AGBL1: variants seen among roughly 807,000 people sequenced by gnomAD.
AGBL1 encodes cytosolic carboxypeptidase 4.
AGBL1 carries 130 observed loss-of-function variants against 118.9 expected under a neutral mutation model. The observed-to-expected ratio is 1.09, with a 90% CI of 0.95 to 1.26. AGBL1 has a LOEUF of 1.26. Ranked by LOEUF, AGBL1 falls within the 50% of genes most tolerant of loss-of-function variation. AGBL1 has a pLI of 0.00. For missense variants in AGBL1, 1,584 were observed against 1,298.1 expected (o/e 1.22, Z -3.38); for synonymous variants, 555 against 478.9 (o/e 1.16, Z -2.08).
chr15:87,004,480 A>T (rs567965941), intron 24 of AGBL1, among the ~76,000 whole-genome samples: 1 of 152,224 alleles, frequency 6.6e-6, no homozygotes, highest in African/African-American at 2.4e-5. Flanking sequence ...ATTGGTTTAA[A>T]GTCTGTTTTA....
At position 86,670,650 on chromosome 15, in the gene AGBL1, G is replaced by GTGTGTGTATATA. The variant is rs369000727; in HGVS notation, c.2995-3622_2995-3621insGTGTGTATATAT. On this transcript the variant is annotated intron_variant, in intron 21 of 22. Coordinates refer to ENST00000614907, the MANE Select transcript of AGBL1 (RefSeq NM_001386094.1). ...ACAAACACGCTGTGTGTGTGTGTGT[G>GTGTGTGTATATA]TATATATATATATAGCAAACTTATA... Among the ~76,000 whole-genome samples, 7 of 141,138 alleles carry GTGTGTGTATATA rather than the reference G, an allele frequency of 5.0e-5. No homozygotes were observed. The East Asian group carries it at 1.1e-3, about 23-fold the overall frequency. The allele number at this position is 141,138 out of a possible 152,430, so 92.6% of individuals were successfully genotyped here.
intron 23 of AGBL1, among the ~76,000 whole-genome samples, chr15:86,933,436 G>A (rs981205820): frequency 6.6e-6 from 1 of 152,170 alleles, no homozygotes; most frequent in Non-Finnish European, 1.5e-5. Flanking sequence ...CAGCTCAGGA[G>A]TCATGTAGCC....
At chr15:87,017,788 T>C (rs2081622088) in intron 24 of AGBL1, among the ~76,000 whole-genome samples, 1 of 152,120 alleles carries the variant, frequency 6.6e-6, no homozygotes, top group Non-Finnish European at 1.5e-5. Flanking sequence ...AGAACAGGGC[T>C]GAGGCTGAGA....
intron 18 of AGBL1, among the ~76,000 whole-genome samples, chr15:86,482,915 C>A (rs1026628385): frequency 3.3e-5 from 5 of 151,956 alleles, no homozygotes; most frequent in Non-Finnish European, 7.4e-5. Context: ...AGCTGTATTT[C>A]TCATAAAGAG....
intron 6 of AGBL1, among the ~76,000 whole-genome samples, chr15:86,236,868 C>A (rs2078552604): frequency 6.9e-6 from 1 of 145,888 alleles, no homozygotes; most frequent in Non-Finnish European, 1.5e-5. Flanking sequence ...GACCCTCCCA[C>A]CCTAGCCTTT....
intron 1 of AGBL1, among the ~76,000 whole-genome samples, chr15:86,122,239 C>T (rs1898134338): frequency 6.6e-6 from 1 of 152,106 alleles, no homozygotes; most frequent in Non-Finnish European, 1.5e-5. Context: ...GGTCCTGTTG[C>T]AAACGGAGTA....
chr15:86,152,430 A>G (rs1421891870), intron 3 of AGBL1, among the ~76,000 whole-genome samples: 1 of 152,242 alleles, frequency 6.6e-6, no homozygotes, highest in Non-Finnish European at 1.5e-5. Flanking sequence ...TTCCCTATTT[A>G]ATAAATGTTG....
In AGBL1 at chr15:86,744,588, T is replaced by C. The variant is rs376654505; in HGVS notation, c.3158+70152T>C. On this transcript the variant is annotated intron_variant, in intron 22 of 22. Coordinates refer to ENST00000614907, the MANE Select transcript of AGBL1 (RefSeq NM_001386094.1). Reference sequence around the variant, plus strand: ...AGCAAAGGGCAGAGGCACCTTTCTTTATAGATCAACATTAGACTAAGGCAA... The same window carrying C: ...AGCAAAGGGCAGAGGCACCTTTCTTCATAGATCAACATTAGACTAAGGCAA... Among the ~76,000 whole-genome samples, 6 of 152,224 alleles carry C rather than the reference T, an allele frequency of 3.9e-5. No homozygotes were observed. The South Asian group carries it at 1.2e-3, about 32-fold the overall frequency.
chr15:86,432,794 G>A (rs1241601934), intron 18 of AGBL1, among the ~76,000 whole-genome samples: 1 of 152,190 alleles, frequency 6.6e-6, no homozygotes, highest in African/African-American at 2.4e-5. Context: ...GGGTCCAGTG[G>A]TGTGAAAAAT....
At chr15:86,719,937 G>A (rs907391865) in intron 22 of AGBL1, among the ~76,000 whole-genome samples, 1 of 152,244 alleles carries the variant, frequency 6.6e-6, no homozygotes, top group East Asian at 1.9e-4. Context: ...CTCTGGCCAC[G>A]GATTCTCAAG....
intron 21 of AGBL1, among the ~76,000 whole-genome samples, chr15:86,618,687 T>G (rs28446546): frequency 0.016 from 2,487 of 152,258 alleles, 64 homozygotes; most frequent in African/African-American, 0.057. Flanking sequence ...TGGTAAGACA[T>G]GCAGATTTAT....
At chr15:86,224,612 T>C (rs545670894) in intron 5 of AGBL1, among the ~76,000 whole-genome samples, 2 of 151,914 alleles carry the variant, frequency 1.3e-5, no homozygotes, top group Non-Finnish European at 2.9e-5. Flanking sequence ...GTATGAATAA[T>C]AGAAAAATGA....
intron 22 of AGBL1, among the ~76,000 whole-genome samples, chr15:86,761,816 G>A (rs1373355762): frequency 1.3e-5 from 2 of 151,954 alleles, no homozygotes; most frequent in Non-Finnish European, 2.9e-5. Flanking sequence ...TTTTTTTGCT[G>A]TGCAGAAGCG....
Position 86,615,006 on chromosome 15 carries a change from TGA to T in AGBL1, c.2995-59263_2995-59262del, listed in dbSNP as rs1205360495. 1.3e-4 allele frequency among the ~76,000 whole-genome samples: 20 copies of T among 152,034 alleles called. No homozygotes were observed. The highest frequency in any genetic ancestry group is 1.1e-3 in the Admixed American group (17 of 15,264). On this transcript the variant is annotated intron_variant, in intron 21 of 22. Transcript: ENST00000614907. The surrounding 1 kb of genome is among the most constrained non-coding windows in gnomAD (Gnocchi z 4.3). The stretch of plus-strand genomic sequence containing the variant: ...AGATGAGCAAAGAAAACTAGAATGG[TGA>T]GAGTTCATGGCAGGGCAATTTGGAT...
At chr15:86,718,641 G>A (rs1009588035) in intron 22 of AGBL1, among the ~76,000 whole-genome samples, 2 of 152,134 alleles carry the variant, frequency 1.3e-5, no homozygotes, top group African/African-American at 4.8e-5. Context: ...GGGAGATGGA[G>A]GCATCCGATG....
intron 18 of AGBL1, among the ~76,000 whole-genome samples, chr15:86,435,160 C>T (rs2081986201): frequency 1.3e-5 from 2 of 152,074 alleles, no homozygotes; most frequent in Non-Finnish European, 2.9e-5. Flanking sequence ...TGTCATTAAC[C>T]TACCAAGTAA....
intron 22 of AGBL1, among the ~76,000 whole-genome samples, chr15:86,740,183 C>T (rs2077657441): frequency 1.3e-5 from 2 of 152,210 alleles, no homozygotes; most frequent in South Asian, 4.1e-4. Flanking sequence ...AAGAGTTGGA[C>T]AGTTTTGTCT....
intron 17 of AGBL1, among the ~76,000 whole-genome samples, chr15:86,312,691 C>T (rs2079938432): frequency 6.6e-6 from 1 of 152,156 alleles, no homozygotes; most frequent in African/African-American, 2.4e-5. Flanking sequence ...ATTTTGACAT[C>T]CCAGAATTTT....
intron 22 of AGBL1, among the ~76,000 whole-genome samples, chr15:86,793,048 T>C (rs2141333952): frequency 6.6e-6 from 1 of 152,302 alleles, no homozygotes; most frequent in Admixed American, 6.5e-5. Context: ...TTTTTAAATT[T>C]AACGCCATCC....
Sources: gnomAD v4.1 joint callset for allele counts (sites outside exome capture counted in the v4.1 genomes callset) on GRCh38, gnomAD v4.1.1 for gene constraint, Gnocchi (gnomAD v3.1) non-coding constraint, MANE v1.5 for transcripts, NCBI Gene and HGNC (gene_info 2026-07-23, HGNC 2026-07-21) for gene names.